The following NAV3 variants were observed in gnomAD, a reference collection of about 807,000 sequenced individuals.
NAV3 encodes neuron navigator 3.
Under a neutral mutation model 244.7 loss-of-function variants are expected in NAV3, and 87 were observed. That is an observed-to-expected ratio of 0.36 (90% CI 0.30 to 0.42). NAV3 has a LOEUF of 0.42. NAV3 is among the 20% of genes least tolerant of loss of function. The pLI, the probability that NAV3 is intolerant of heterozygous loss-of-function variation, is 1.00. For synonymous variants in NAV3, 1,126 were observed against 1,042.2 expected, an observed-to-expected ratio of 1.08 and a Z score of -1.55; for missense variants, 2,663 against 2,893.3, an observed-to-expected ratio of 0.92 and a Z score of 1.83.
At chr12:77,626,958 A>G (rs1871657217) in intron 2 of NAV3, among the ~76,000 whole-genome samples, 1 of 152,182 alleles carries the variant, frequency 6.6e-6, no homozygotes, top group African/African-American at 2.4e-5. Flanking sequence ...TGGTAAAGCC[A>G]AACAATAAAA....
At chr12:77,941,581 A>G (rs1341481924) in intron 3 of NAV3, among the ~76,000 whole-genome samples, 3 of 152,160 alleles carry the variant, frequency 2.0e-5, no homozygotes, top group Non-Finnish European at 4.4e-5. Context: ...TTCTCAAGGC[A>G]TGCTGCTGTC....
chr12:77,806,874 G>A (rs1222311155), intron 2 of NAV3, among the ~76,000 whole-genome samples: 1 of 152,132 alleles, frequency 6.6e-6, no homozygotes, highest in African/African-American at 2.4e-5. Context: ...TATATATTTA[G>A]GATAGTTAGC....
chr12:78,106,623 G>C (rs1048618591), intron 12 of NAV3, among the ~76,000 whole-genome samples: 12 of 152,182 alleles, frequency 7.9e-5, no homozygotes, highest in African/African-American at 2.4e-4. Context: ...GACTGTCTGG[G>C]TTCCAGTAGG....
intron 1 of NAV3, among the ~76,000 whole-genome samples, chr12:77,838,432 T>C (rs1875040667): frequency 6.6e-6 from 1 of 152,204 alleles, no homozygotes; most frequent in African/African-American, 2.4e-5. Context: ...CTGGAAATTA[T>C]TAAAATTGTT....
chr12:78,120,051 G>A, intron 15 of NAV3, 106 bp downstream of exon 15: 1 of 526,008 alleles, frequency 1.9e-6, no homozygotes, highest in Non-Finnish European at 2.8e-6. Context: ...ATATGTATAA[G>A]GTATATATAT....
intron 2 of NAV3, among the ~76,000 whole-genome samples, chr12:77,684,386 T>G (rs1255955792): frequency 1.3e-5 from 2 of 152,158 alleles, no homozygotes; most frequent in Non-Finnish European, 2.9e-5. Flanking sequence ...TCTCTGTCTC[T>G]CTCTCTTTCT....
intron 38 of NAV3, among the ~76,000 whole-genome samples, chr12:78,202,159 T>C (rs573409802): frequency 1.3e-5 from 2 of 152,158 alleles, no homozygotes; most frequent in African/African-American, 4.8e-5. Context: ...GTATAACATA[T>C]TGTGTTTCAG....
chr12:78,139,926 T>A (rs191218539), intron 19 of NAV3, among the ~76,000 whole-genome samples: 1 of 152,136 alleles, frequency 6.6e-6, no homozygotes, highest in African/African-American at 2.4e-5. Context: ...TACATACATT[T>A]TTTAAGGTTC....
At chr12:77,646,357 T>C (rs574989184) in intron 2 of NAV3, among the ~76,000 whole-genome samples, 2 of 152,300 alleles carry the variant, frequency 1.3e-5, no homozygotes, top group African/African-American at 4.8e-5. Flanking sequence ...AATCCAGCCT[T>C]CCTGCTGTGA....
intron 2 of NAV3, among the ~76,000 whole-genome samples, chr12:77,624,582 T>C (rs1273139814): frequency 6.6e-6 from 1 of 151,994 alleles, no homozygotes; most frequent in African/African-American, 2.4e-5. Context: ...GACCAAGCAG[T>C]GGACATACAG....
intron 2 of NAV3, among the ~76,000 whole-genome samples, chr12:77,647,197 A>G (rs1448625850): frequency 1.3e-5 from 2 of 152,174 alleles, no homozygotes; most frequent in African/African-American, 4.8e-5. Context: ...TGAATAAGTT[A>G]TGACATATTT....
intron 2 of NAV3, among the ~76,000 whole-genome samples, chr12:77,741,148 C>CAAAAAAAAAAAAAAAAAGAAA (rs1868322824): frequency 1.5e-5 from 1 of 68,668 alleles, no homozygotes. Flanking sequence ...AAAAAAAAGA[C>CAAAAAAAAAAAAAAAAAGAAA]AAAAAAAAAA....
intron 9 of NAV3, among the ~76,000 whole-genome samples, chr12:78,045,455 C>T (rs999971241): frequency 6.6e-5 from 10 of 152,036 alleles, no homozygotes; most frequent in African/African-American, 2.2e-4. Context: ...GCCACCATAC[C>T]CGGCTAATTT....
chr12:78,002,778 T>C (rs1873526215), intron 7 of NAV3, among the ~76,000 whole-genome samples: 1 of 152,106 alleles, frequency 6.6e-6, no homozygotes. Context: ...TCAGGGATTT[T>C]AGTATTCTTT....
intron 2 of NAV3, among the ~76,000 whole-genome samples, chr12:77,596,220 T>C (rs1469191891): frequency 1.3e-5 from 2 of 152,150 alleles, no homozygotes; most frequent in Non-Finnish European, 2.9e-5. Context: ...AGGATAACAA[T>C]TACACCAGTT....
At chr12:77,776,981 A>G (rs1025499820) in intron 2 of NAV3, among the ~76,000 whole-genome samples, 2 of 152,214 alleles carry the variant, frequency 1.3e-5, no homozygotes, top group Admixed American at 1.3e-4. Context: ...TGAGTAAACC[A>G]TTACTCATTT....
intron 1 of NAV3, among the ~76,000 whole-genome samples, chr12:77,846,975 A>T (rs1378460784): frequency 1.3e-5 from 2 of 152,242 alleles, no homozygotes; most frequent in Non-Finnish European, 2.9e-5. Context: ...CATCATCAGG[A>T]AATTTCCAAC....
intron 2 of NAV3, among the ~76,000 whole-genome samples, chr12:77,758,521 G>A (rs1401431046): frequency 2.0e-5 from 3 of 152,090 alleles, no homozygotes; most frequent in Non-Finnish European, 4.4e-5. Context: ...CATACCCCAA[G>A]TTTGTCTTTG....
chr12:77,776,747 G>A (rs1387062677), intron 2 of NAV3, among the ~76,000 whole-genome samples: 3 of 152,124 alleles, frequency 2.0e-5, no homozygotes, highest in African/African-American at 7.2e-5. Context: ...CAGGGAGGCC[G>A]AGGTGGGCGG....
Sources: allele counts gnomAD v4.1 joint callset (sites outside exome capture counted in the v4.1 genomes callset), GRCh38; gene constraint gnomAD v4.1.1; transcripts MANE v1.5; gene names NCBI Gene and HGNC (gene_info 2026-07-23, HGNC 2026-07-21).